The following SGCA variants were observed in gnomAD, a reference collection of about 807,000 sequenced individuals.
SGCA encodes the protein alpha-sarcoglycan.
SGCA carries 34 observed loss-of-function variants against 38.1 expected under a neutral mutation model. That is an observed-to-expected ratio of 0.89 (90% CI 0.68 to 1.19). The LOEUF is 1.19. Among genes scored for constraint, SGCA ranks in the 50% most tolerant of loss-of-function variants. SGCA has a pLI of 0.00. For missense variants in SGCA, 476 were observed against 524.9 expected, an observed-to-expected ratio of 0.91 and a Z score of 0.91; for synonymous variants, 209 against 214.6, an observed-to-expected ratio of 0.97 and a Z score of 0.23.
intron 5 of SGCA, 53 bp downstream of exon 5, chr17:50,168,625 C>T (rs1365479860): frequency 1.1e-5 from 17 of 1,492,272 alleles, no homozygotes; most frequent in Admixed American, 5.9e-5. Flanking sequence ...CAGCTTGTGG[C>T]GGGCATAGAA....
rs145906333 is a variant in SGCA at position 50,173,145 on chromosome 17, G to A, written c.984-2112G>A. Among the ~76,000 whole-genome samples, 26 of 152,352 alleles carry A rather than the reference G, an allele frequency of 1.7e-4. No homozygotes were observed. In the East Asian group the frequency reaches 3.7e-3, roughly 21 times the overall value. On this transcript the variant is annotated intron_variant, in intron 8 of 9. Coordinates refer to ENST00000262018, the MANE Select transcript of SGCA (RefSeq NM_000023.4). ...CAATAACCGTTTTACCATGTGCAAC[G>A]TTAGCCTTGGCTGGTTTGGATTTCA...
At chr17:50,169,614 T>C (rs1310059720) in intron 6 of SGCA, 3 of 342,760 alleles carry the variant, frequency 8.8e-6, no homozygotes, top group Non-Finnish European at 1.1e-5. Context: ...CTGTCTGCTT[T>C]TCTGTAAGGT....
At chr17:50,170,435 C>A in intron 7 of SGCA, 84 bp downstream of exon 7, 2 of 1,435,916 alleles carry the variant, frequency 1.4e-6, no homozygotes, top group Non-Finnish European at 1.9e-6. Flanking sequence ...CTGTATGGGA[C>A]CCAGACACCA....
At position 50,168,020 on chromosome 17, in the gene SGCA, G is replaced by T. The variant is rs1352135631; in HGVS notation, c.385+1G>T. 1.2e-6 allele frequency: 2 copies of T among 1,613,226 alleles called. No individual in the cohort carries two copies. Among genetic ancestry groups the T allele is most frequent in the Non-Finnish European group, 1.7e-6 (2 of 1,179,186 alleles). On this transcript the variant is annotated splice_donor_variant, in intron 4 of 9. Coordinates refer to ENST00000262018, the MANE Select transcript of SGCA (RefSeq NM_000023.4). LOFTEE classifies it high-confidence loss of function. The stretch of plus-strand genomic sequence containing the variant: ...GTGCTGGAGATTGGGGACCCAGAAG[G>T]TACCTCTAGCTGTGCCCCATCCCTT...
chr17:50,168,477 A>G lies in SGCA; in HGVS notation c.489A>G (p.Gly163=), dbSNP rs1198477143. 6.3e-7 allele frequency: 1 copy of G among 1,580,654 alleles called. No homozygotes were observed. The highest frequency in any genetic ancestry group is 8.6e-7 in the Non-Finnish European group (1 of 1,163,324). Residue 163 remains glycine, a synonymous_variant, in exon 5 of 10, where the codon GGA becomes GGG. Transcript: ENST00000262018. The stretch of plus-strand genomic sequence containing the variant: ...GCCGCTTCCTCTCAGCCTTGGGGGG[A>G]CTCTGGGAGCCCGGAGAGCTTCAGC... ...PASRFLSALG[G]LWEPGELQLL... is the part of the protein sequence containing the mutation.
rs1300215709 is a variant in SGCA at position 50,175,411 on chromosome 17, G to A, written c.1138G>A (p.Val380Met). ...GCCTCCCCGCGTGGACAGCGCCCAG[G>A]TGCCCCTCATTCTGGACCAGCACTG... ...RLPPRVDSAQ[V>M]PLILDQH The change falls in exon 9 of 10, where the codon GTG becomes ATG. Residue 380 changes from valine (V) to methionine (M), a missense_variant. By Grantham distance (21) the Val-to-Met change is conservative (BLOSUM62 1). Coordinates refer to ENST00000262018, the MANE Select transcript of SGCA (RefSeq NM_000023.4). 1 of 1,613,234 alleles carries A rather than the reference G, an allele frequency of 6.2e-7. No homozygotes were observed. The highest frequency in any genetic ancestry group is 8.5e-7 in the Non-Finnish European group (1 of 1,180,038).
intron 6 of SGCA, 193 bp from the exon 7 acceptor site, chr17:50,169,950 C>A: frequency 3.1e-6 from 2 of 644,426 alleles, no homozygotes; most frequent in Admixed American, 4.5e-5. Context: ...CATAATCATC[C>A]TAGCTAAGCA....
intron 6 of SGCA, 144 bp downstream of exon 6, chr17:50,169,398 AG>A (rs1300630789): frequency 1.6e-6 from 1 of 608,158 alleles, no homozygotes; most frequent in African/African-American, 2.1e-5. Context: ...TATTGCCCAC[AG>A]GCTTAGTCTG....
Position 50,170,338 on chromosome 17 carries a change from C to T in SGCA, c.943C>T (p.Arg315Trp), listed in dbSNP as rs1224522413. Reference protein sequence around the residue: ...TLLLAYVMCCRREGRLKRDLA... With the variant: ...TLLLAYVMCCWREGRLKRDLA... ...GCTGCTGGCCTATGTCATGTGCTGC[C>T]GGCGGGAGGGAAGGTGAATGTGGGC... Residue 315 changes from arginine (R) to tryptophan (W), a missense_variant, in exon 7 of 10, where the codon CGG (arginine) becomes TGG (tryptophan). By Grantham distance (101) the Arg-to-Trp change is moderately radical (BLOSUM62 -3). Coordinates refer to ENST00000262018, the MANE Select transcript of SGCA (RefSeq NM_000023.4). 8.1e-6 allele frequency: 13 copies of T among 1,613,492 alleles called. No homozygotes were observed. Among genetic ancestry groups the T allele is most frequent in the East Asian group, 6.7e-5 (3 of 44,880 alleles).
At chr17:50,168,721 T>C in intron 5 of SGCA, 149 bp downstream of exon 5, 1 of 747,048 alleles carries the variant, frequency 1.3e-6, no homozygotes, top group Non-Finnish European at 2.3e-6. Flanking sequence ...CTCCTCTGGC[T>C]ATACCCGCAT....
Position 50,175,733 on chromosome 17 carries a change from C to G in SGCA, c.*34C>G, listed in dbSNP as rs535244758. On this transcript the variant is annotated 3_prime_UTR_variant, in exon 10 of 10. Coordinates refer to ENST00000262018, the MANE Select transcript of SGCA (RefSeq NM_000023.4). ...ACAGTGGTTCCAGGTCCAGCCCTGA[C>G]TTCATCCTCCCTTCTCTGTCCACAC... is the stretch of plus-strand genomic sequence containing the variant. 52 of 605,356 alleles carry G rather than the reference C, an allele frequency of 8.6e-5. No individual in the cohort carries two copies. In the East Asian group the frequency reaches 1.8e-3, roughly 21 times the overall value. The allele number at this position is 605,356 out of a possible 1,614,324, so 37.5% of individuals were successfully genotyped here. A position where few individuals can be genotyped will look rare whatever the true frequency, so the allele number is the denominator to read the frequency against.
intron 9 of SGCA, 86 bp downstream of exon 9, chr17:50,175,535 G>A: frequency 8.0e-7 from 1 of 1,243,098 alleles, no homozygotes; most frequent in Non-Finnish European, 1.1e-6. Flanking sequence ...GGGTCTGGGA[G>A]AGGTCAGGGG....
At position 50,167,767 on chromosome 17, in the gene SGCA, G is replaced by A. The variant is rs747828491; in HGVS notation, c.312+31G>A. ...GTCAGGGACCCTGAGAAAATCACAG[G>A]GGTGGGCCAGAGTGGCCTCCTAGGA... On this transcript the variant is annotated intron_variant, in intron 3 of 9. Coordinates refer to ENST00000262018, the MANE Select transcript of SGCA (RefSeq NM_000023.4). This position sits in a 1 kb window ranked among gnomAD's most constrained non-coding sequence, Gnocchi z 4.5. The A allele has an allele frequency of 5.0e-6, 8 of 1,600,816 alleles. No individual in the cohort carries two copies. The highest frequency in any genetic ancestry group is 6.8e-6 in the Non-Finnish European group (8 of 1,171,806).
chr17:50,166,262 G>C (rs1490566410), intron 1 of SGCA, 185 bp downstream of exon 1: 1 of 635,670 alleles, frequency 1.6e-6, no homozygotes, highest in Admixed American at 2.7e-5. Context: ...TGGGAGCTGG[G>C]CTCTGGGATG....
intron 6 of SGCA, chr17:50,169,630 C>A: frequency 3.0e-6 from 1 of 333,060 alleles, no homozygotes; most frequent in East Asian, 6.9e-5. Flanking sequence ...AAGGTGCCAC[C>A]TAGCAAACCC....
At position 50,175,395 on chromosome 17, in the gene SGCA, C is replaced by T. The variant is rs2144512151; in HGVS notation, c.1122C>T (p.Arg374=). ...ACACAGGTGAGCGGCTGCCTCCCCG[C>T]GTGGACAGCGCCCAGGTGCCCCTCA... is the stretch of plus-strand genomic sequence containing the variant. ...NVHTGERLPP[R]VDSAQVPLIL... is the part of the protein sequence containing the mutation. The change falls in exon 9 of 10, where the codon CGC becomes CGT. Residue 374 remains arginine, a synonymous_variant. Transcript: ENST00000262018. The T allele has an allele frequency of 3.1e-6, 5 of 1,613,152 alleles. No individual in the cohort carries two copies. Among genetic ancestry groups the T allele is most frequent in the South Asian group, 2.2e-5 (2 of 91,066 alleles).
intron 7 of SGCA, 52 bp downstream of exon 7, chr17:50,170,403 G>A (rs1280692668): frequency 1.3e-6 from 2 of 1,538,278 alleles, no homozygotes; most frequent in Non-Finnish European, 1.8e-6. Flanking sequence ...TCACACCCAT[G>A]GGACTCACAG....
At position 50,169,198 on chromosome 17, in the gene SGCA, T is replaced by C; in HGVS notation, c.691T>C (p.Ser231Pro). ...TGCCCAGGGCCAGCCTCCACTTCTG[T>C]CTTGCTACGACACCTTGGCACCCCA... is the stretch of plus-strand genomic sequence containing the variant. ...RCAQGQPPLL[S>P]CYDTLAPHFR... Residue 231 changes from serine (S) to proline (P), a missense_variant, in exon 6 of 10, where the codon TCT becomes CCT. Ser to Pro is a moderately conservative substitution (Grantham distance 74, BLOSUM62 -1). Coordinates refer to ENST00000262018, the MANE Select transcript of SGCA (RefSeq NM_000023.4). The C allele has an allele frequency of 1.2e-6, 2 of 1,613,986 alleles. No individual in the cohort carries two copies. The highest frequency in any genetic ancestry group is 1.1e-5 in the South Asian group (1 of 91,078).
intron 6 of SGCA, chr17:50,169,479 C>A: frequency 1.8e-6 from 1 of 566,128 alleles, no homozygotes; most frequent in Non-Finnish European, 3.1e-6. Context: ...CACAAGAGGG[C>A]AACAGAGTCC....
Sources: gnomAD v4.1 joint callset for allele counts (sites outside exome capture counted in the v4.1 genomes callset) on GRCh38, gnomAD v4.1.1 for gene constraint, Gnocchi (gnomAD v3.1) non-coding constraint, MANE v1.5 for transcripts, NCBI Gene and HGNC (gene_info 2026-07-23, HGNC 2026-07-21) for gene names.